Variants in ZPBP observed in about 807,000 individuals in gnomAD.
ZPBP encodes the protein zona pellucida binding protein.
ZPBP carries 26 observed loss-of-function variants against 44.8 expected under a neutral mutation model. The ratio of observed to expected loss-of-function variants is 0.58; its 90% confidence interval spans 0.43 to 0.81. The LOEUF (loss-of-function observed/expected upper bound fraction) is 0.81, where lower values mean the gene tolerates loss of function less well. Among genes scored for constraint, ZPBP ranks in the 30% least tolerant of loss-of-function variants. The pLI, the probability that ZPBP is intolerant of heterozygous loss-of-function variation, is 0.00. For synonymous variants in ZPBP, 174 were observed against 153.2 expected, an observed-to-expected ratio of 1.14 and a Z score of -1.00; for missense variants, 409 against 434.0, an observed-to-expected ratio of 0.94 and a Z score of 0.51.
intron 3 of ZPBP, among the ~76,000 whole-genome samples, chr7:50,063,264 G>A (rs1403273433): frequency 2.0e-5 from 3 of 152,046 alleles, no homozygotes; most frequent in Non-Finnish European, 4.4e-5. Flanking sequence ...AGGGGGAATT[G>A]GGTTTTCTTA....
intron 4 of ZPBP, among the ~76,000 whole-genome samples, chr7:50,053,726 T>G (rs1032071256): frequency 6.6e-6 from 1 of 152,210 alleles, no homozygotes; most frequent in Non-Finnish European, 1.5e-5. Flanking sequence ...TGCTGAAGTA[T>G]CATCTGGTGG....
rs555645056 is a variant in ZPBP at position 50,061,196 on chromosome 7, G to A, written c.335-3055C>T. ...AATAGCCATGTGTGACAAACCCACAGCCAACATCATACTAAACAGGCAAAA... is the reference window on the plus strand; with the variant it reads ...AATAGCCATGTGTGACAAACCCACAACCAACATCATACTAAACAGGCAAAA... On this transcript the variant is annotated intron_variant, in intron 3 of 7. Transcript: ENST00000046087. 1.4e-4 allele frequency among the ~76,000 whole-genome samples: 22 copies of A among 152,220 alleles called. No individual in the cohort carries two copies. The South Asian group carries it at 2.5e-3, about 17-fold the overall frequency.
At chr7:49,922,480 C>A (rs1244755104) in intron 1 of ZPBP, among the ~76,000 whole-genome samples, 1 of 152,078 alleles carries the variant, frequency 6.6e-6, no homozygotes. Context: ...CTGCCAAGGG[C>A]AACTGGAAAA....
At chr7:49,970,834 G>A (rs1033849787) in intron 7 of ZPBP, among the ~76,000 whole-genome samples, 3 of 150,460 alleles carry the variant, frequency 2.0e-5, no homozygotes, top group African/African-American at 4.9e-5. Flanking sequence ...GGGCAATATA[G>A]TGAGATCCAG....
At chr7:49,987,744 G>C (rs1797368870) in intron 6 of ZPBP, among the ~76,000 whole-genome samples, 1 of 135,118 alleles carries the variant, frequency 7.4e-6, no homozygotes, top group Non-Finnish European at 1.6e-5. Context: ...GTGTGTGTGT[G>C]TGTGTGTGTG....
intron 7 of ZPBP, among the ~76,000 whole-genome samples, chr7:49,981,481 T>C (rs1304823384): frequency 1.2e-5 from 1 of 81,866 alleles, no homozygotes; most frequent in Non-Finnish European, 2.1e-5. Flanking sequence ...TTATATATAA[T>C]ATATATTATA....
intron 6 of ZPBP, among the ~76,000 whole-genome samples, chr7:49,993,717 G>A (rs1365746700): frequency 6.6e-6 from 1 of 152,146 alleles, no homozygotes; most frequent in African/African-American, 2.4e-5. Context: ...GGTTCAGTGT[G>A]GGTTTCTGTT....
chr7:49,856,525 C>T (rs1045156129), intron 2 of ZPBP, among the ~76,000 whole-genome samples: 8 of 152,218 alleles, frequency 5.3e-5, no homozygotes, highest in South Asian at 2.1e-4. Context: ...ACAAAATGGA[C>T]GAATACAGCA....
chr7:49,933,042 T>C (rs554072841), downstream of ZPBP, among the ~76,000 whole-genome samples: 5 of 152,320 alleles, frequency 3.3e-5, no homozygotes, highest in South Asian at 4.1e-4. Context: ...ATGTCTTTAT[T>C]AGCAGTGTGA....
chr7:49,932,240 T>C (rs1442635373), intron 1 of ZPBP, among the ~76,000 whole-genome samples: 7 of 152,200 alleles, frequency 4.6e-5, no homozygotes, highest in Admixed American at 1.3e-4. Context: ...AACCCCAGAA[T>C]GGTAGAACCA....
At chr7:50,064,585 G>A (rs185230465) in intron 3 of ZPBP, among the ~76,000 whole-genome samples, 20 of 152,302 alleles carry the variant, frequency 1.3e-4, no homozygotes, top group African/African-American at 4.3e-4. Context: ...CTCTTTCTCA[G>A]GGATGTTCCA....
intron 7 of ZPBP, among the ~76,000 whole-genome samples, chr7:49,961,256 A>G (rs896067761): frequency 6.6e-6 from 1 of 152,192 alleles, no homozygotes; most frequent in African/African-American, 2.4e-5. Flanking sequence ...AATGTGCTAT[A>G]CCCATACAAT....
rs866066443 is a variant in ZPBP at position 49,880,042 on chromosome 7, C to A, written n.509+21076G>T. On this transcript the variant is annotated intron_variant and non_coding_transcript_variant, in intron 2 of 2. Transcript: ENST00000465922. Reference sequence around the variant, plus strand: ...CAGAGGGAGCATCATTTTCTCCCAACTAAAATTTTAATTGAAATAATTTTA... The same window carrying A: ...CAGAGGGAGCATCATTTTCTCCCAAATAAAATTTTAATTGAAATAATTTTA... Among the ~76,000 whole-genome samples the A allele has an allele frequency of 6.6e-5, 10 of 152,236 alleles. 1 individual carries two copies. Among genetic ancestry groups the A allele is most frequent in the Middle Eastern group, 6.8e-3 (2 of 294 alleles).
chr7:49,941,645 C>T (rs1794888819), intron 7 of ZPBP, among the ~76,000 whole-genome samples: 1 of 151,906 alleles, frequency 6.6e-6, no homozygotes, highest in African/African-American at 2.4e-5. Context: ...CAAGAAGACA[C>T]AAATAAATAG....
chr7:49,890,755 AG>A (rs1792094140), intron 2 of ZPBP, among the ~76,000 whole-genome samples: 1 of 152,000 alleles, frequency 6.6e-6, no homozygotes, highest in African/African-American at 2.4e-5. Flanking sequence ...CTGATTTGAA[AG>A]CATGAGAGAA....
intron 2 of ZPBP, among the ~76,000 whole-genome samples, chr7:49,860,052 C>T (rs950084983): frequency 6.6e-6 from 1 of 151,608 alleles, no homozygotes; most frequent in Non-Finnish European, 1.5e-5. Context: ...TAATTTTATC[C>T]ATAGTTGTAT....
At position 50,092,782 on chromosome 7, in the gene ZPBP, T is replaced by TG. The variant is rs2128860330; in HGVS notation, c.127+285dup. ...AAATGCAAACCTGGCAGATGACCCA[T>TG]GGACTGAATTGGGGAGTTTATCAAC... On this transcript the variant is annotated intron_variant, in intron 1 of 7. Transcript: ENST00000046087. The TG allele has an allele frequency of 9.4e-6, 3 of 319,858 alleles. No homozygotes were observed. In the South Asian group the frequency reaches 1.4e-4, roughly 15 times the overall value. The allele number at this position is 319,858 out of a possible 1,614,324, so 19.8% of individuals were successfully genotyped here.
intron 2 of ZPBP, among the ~76,000 whole-genome samples, chr7:50,085,458 T>C (rs936903318): frequency 2.6e-5 from 4 of 152,044 alleles, no homozygotes; most frequent in African/African-American, 9.7e-5. Context: ...TCTCCAGCTC[T>C]GCAATAAGGA....
intron 4 of ZPBP, among the ~76,000 whole-genome samples, chr7:50,032,811 G>GT (rs1012213615): frequency 2.6e-5 from 4 of 152,120 alleles, no homozygotes; most frequent in Non-Finnish European, 4.4e-5. Flanking sequence ...TGTTGCTTTT[G>GT]TTTTTTCTTC....
Sources: allele counts gnomAD v4.1 joint callset (sites outside exome capture counted in the v4.1 genomes callset), GRCh38; gene constraint gnomAD v4.1.1; transcripts MANE v1.5; gene names NCBI Gene and HGNC (gene_info 2026-07-23, HGNC 2026-07-21).